NDUFAF7: variants seen among roughly 807,000 people sequenced by gnomAD.
NDUFAF7 encodes the protein NADH:ubiquinone oxidoreductase complex assembly factor 7, also known as protein arginine methyltransferase NDUFAF7, mitochondrial.
NDUFAF7 carries 48 observed loss-of-function variants against 47.2 expected under a neutral mutation model. That is an observed-to-expected ratio of 1.02 (90% CI 0.81 to 1.29). The LOEUF (loss-of-function observed/expected upper bound fraction) is 1.29, where lower values mean the gene tolerates loss of function less well. Ranked by LOEUF, NDUFAF7 falls within the 50% of genes most tolerant of loss-of-function variation. NDUFAF7 has a pLI of 0.00. For missense variants in NDUFAF7, 635 were observed against 537.6 expected (o/e 1.18, Z -1.79); for synonymous variants, 217 against 190.0 (o/e 1.14, Z -1.17).
chr2:37,241,526 A>T, intron 4 of NDUFAF7, 52 bp from the exon 5 acceptor site: 1 of 1,407,968 alleles, frequency 7.1e-7, no homozygotes, highest in Non-Finnish European at 9.9e-7. Flanking sequence ...TGATTAGGAA[A>T]CTTAAAACCT....
chr2:37,242,006 A>G, intron 5 of NDUFAF7: 1 of 584,186 alleles, frequency 1.7e-6, no homozygotes, highest in Non-Finnish European at 3.0e-6. Flanking sequence ...GAAGCTTTGT[A>G]AAATCCCAAA....
In NDUFAF7 at chr2:37,247,466, A is replaced by G. The variant is rs376123111; in HGVS notation, c.947A>G (p.Asp316Gly). ...TTCTTTATGTTCAAGGGGTTTTGCGACCACAAGCTTCATGATGTCTTAATT... is the reference window on the plus strand; with the variant it reads ...TTCTTTATGTTCAAGGGGTTTTGCGGCCACAAGCTTCATGATGTCTTAATT... Reference protein sequence around the residue: ...TKTDTFRGFCDHKLHDVLIAP... With the variant: ...TKTDTFRGFCGHKLHDVLIAP... Residue 316 changes from aspartate to glycine, a missense_variant, in exon 9 of 10, where the codon GAC (aspartate) becomes GGC (glycine). Coordinates refer to ENST00000002125, the MANE Select transcript of NDUFAF7 (RefSeq NM_144736.5). 2 of 1,613,928 alleles carry G rather than the reference A, an allele frequency of 1.2e-6. No homozygotes were observed.
chr2:37,269,534 G>A, the NDUFAF7 span: 2 of 1,268,686 alleles, frequency 1.6e-6, no homozygotes, highest in South Asian at 2.4e-5. Flanking sequence ...ACTATGAGAT[G>A]ACAAAACAGC....
chr2:37,234,627 A>G (rs1422272029), intron 2 of NDUFAF7, among the ~76,000 whole-genome samples: 1 of 152,206 alleles, frequency 6.6e-6, no homozygotes, highest in Non-Finnish European at 1.5e-5. Context: ...AGATGTGTGG[A>G]TTGAAAAAAT....
intron 2 of NDUFAF7, among the ~76,000 whole-genome samples, chr2:37,233,642 T>C (rs1316061919): frequency 7.9e-6 from 1 of 126,436 alleles, no homozygotes; most frequent in Non-Finnish European, 1.7e-5. Context: ...AAAAAAAAAG[T>C]GAGCCTGGTG....
the NDUFAF7 span, among the ~76,000 whole-genome samples, chr2:37,259,067 C>A: frequency 6.6e-6 from 1 of 150,462 alleles, no homozygotes; most frequent in African/African-American, 2.4e-5. Flanking sequence ...AAAAAAAACT[C>A]AACTGAATTA....
chr2:37,266,636 G>A, the NDUFAF7 span, among the ~76,000 whole-genome samples: 4 of 151,984 alleles, frequency 2.6e-5, no homozygotes, highest in African/African-American at 7.2e-5. Flanking sequence ...ATGGGCATGC[G>A]CCACCGTGCC....
At chr2:37,233,556 A>G (rs1017200903) in intron 2 of NDUFAF7, among the ~76,000 whole-genome samples, 6 of 149,042 alleles carry the variant, frequency 4.0e-5, no homozygotes, top group Non-Finnish European at 8.9e-5. Flanking sequence ...CGGGACGCAG[A>G]GGTTGCAGTG....
At chr2:37,231,951 C>T (rs1481841142) in intron 1 of NDUFAF7, 155 bp from the exon 2 acceptor site, 7 of 1,594,892 alleles carry the variant, frequency 4.4e-6, no homozygotes, top group Non-Finnish European at 6.0e-6. Flanking sequence ...TGGGTGCTGT[C>T]TCTGCGCCCC....
At chr2:37,264,114 A>G in the NDUFAF7 span, among the ~76,000 whole-genome samples, 8 of 151,946 alleles carry the variant, frequency 5.3e-5, no homozygotes, top group Non-Finnish European at 1.0e-4. Context: ...CCCCTCCCCA[A>G]TTTTTTTCCT....
chr2:37,266,790 A>G, the NDUFAF7 span, among the ~76,000 whole-genome samples: 1 of 152,114 alleles, frequency 6.6e-6, no homozygotes, highest in Non-Finnish European at 1.5e-5. Flanking sequence ...ACCTGGCCAG[A>G]ATGAGCTATT....
chr2:37,237,847 C>G lies in NDUFAF7; in HGVS notation c.388C>G (p.Leu130Val). ...GGAACTGGGCCCAGGTAGGGGAACC[C>G]TCGTGGGAGATATTTTGAGGGTAGG... ...LVELGPGRGTLVGDILRVFTQ... is the reference protein window; with the variant it reads ...LVELGPGRGTVVGDILRVFTQ... Residue 130 changes from leucine to valine, a missense_variant, in exon 4 of 10, where the codon CTC (leucine) becomes GTC (valine). Coordinates refer to ENST00000002125, the MANE Select transcript of NDUFAF7 (RefSeq NM_144736.5). 1.2e-6 allele frequency: 2 copies of G among 1,609,570 alleles called. No homozygotes were observed. The highest frequency in any genetic ancestry group is 1.7e-6 in the Non-Finnish European group (2 of 1,175,944).
At chr2:37,249,562 C>G (rs1327754808), downstream of NDUFAF7, among the ~76,000 whole-genome samples, 4 of 28,110 alleles carry the variant, frequency 1.4e-4, no homozygotes, top group East Asian at 0.015. Flanking sequence ...GTGATAGACA[C>G]ACACACACAC....
chr2:37,260,047 C>A, the NDUFAF7 span, among the ~76,000 whole-genome samples: 1 of 152,104 alleles, frequency 6.6e-6, no homozygotes, highest in South Asian at 2.1e-4. Context: ...CATCTGCAAT[C>A]CTAGATACTT....
At chr2:37,259,253 C>T in the NDUFAF7 span, among the ~76,000 whole-genome samples, 1 of 152,144 alleles carries the variant, frequency 6.6e-6, no homozygotes, top group Non-Finnish European at 1.5e-5. Context: ...CCAGTAACAC[C>T]CCATTTGTTT....
At position 37,231,700 on chromosome 2, in the gene NDUFAF7, T is replaced by G; in HGVS notation, c.-6T>G. The G allele has an allele frequency of 6.2e-7, 1 of 1,614,202 alleles. No homozygotes were observed. The highest frequency in any genetic ancestry group is 8.5e-7 in the Non-Finnish European group (1 of 1,180,022). ...TGGCGGAGCGAGCTAGCCTGCGAAT[T>G]TCAGCATGAGTGTACTGCTGAGGTC... On this transcript the variant is annotated 5_prime_UTR_variant, in exon 1 of 10. The change creates a new upstream start codon in the 5' untranslated region. Coordinates refer to ENST00000002125, the MANE Select transcript of NDUFAF7 (RefSeq NM_144736.5).
intron 1 of NDUFAF7, 41 bp downstream of exon 1, chr2:37,231,801 C>A (rs988926818): frequency 6.2e-7 from 1 of 1,612,930 alleles, no homozygotes; most frequent in Admixed American, 1.7e-5. Flanking sequence ...CCGTGGAAGC[C>A]GCGTGGGGCG....
downstream of NDUFAF7, among the ~76,000 whole-genome samples, chr2:37,255,630 C>A (rs553133672): frequency 6.6e-6 from 1 of 152,268 alleles, no homozygotes; most frequent in African/African-American, 2.4e-5. Context: ...GTATAAGGAA[C>A]CGGAGCTAGG....
intron 4 of NDUFAF7, 39 bp downstream of exon 4, chr2:37,237,906 G>C (rs554174156): frequency 7.1e-7 from 1 of 1,400,404 alleles, no homozygotes; most frequent in Non-Finnish European, 1.0e-6. Context: ...TCATATAAGT[G>C]AATTTTAGTA....
Sources: gnomAD v4.1 joint callset for allele counts (sites outside exome capture counted in the v4.1 genomes callset) on GRCh38, gnomAD v4.1.1 for gene constraint, MANE v1.5 for transcripts, NCBI Gene and HGNC (gene_info 2026-07-23, HGNC 2026-07-21) for gene names.